The following SKP1 variants were observed in gnomAD, a reference collection of about 807,000 sequenced individuals.
SKP1 encodes S-phase kinase-associated protein 1.
SKP1 carries 1 observed loss-of-function variant against 21.5 expected under a neutral mutation model. That is an observed-to-expected ratio of 0.05 (90% CI 0.02 to 0.22). The LOEUF (loss-of-function observed/expected upper bound fraction) is 0.22, where lower values mean the gene tolerates loss of function less well. SKP1 is among the 10% of genes least tolerant of loss of function. SKP1 has a pLI of 1.00. For synonymous variants in SKP1, 59 were observed against 59.3 expected, an observed-to-expected ratio of 0.99 and a Z score of 0.03; for missense variants, 70 against 192.0, an observed-to-expected ratio of 0.36 and a Z score of 3.76.
At chr5:134,176,653 C>G (rs1761554142) in intron 1 of SKP1, 1 of 152,478 alleles carries the variant, frequency 6.6e-6, no homozygotes, top group Non-Finnish European at 1.5e-5. Flanking sequence ...GAGGAGGCCT[C>G]GCTGAGTCGG....
At chr5:134,171,705 T>C (rs1308141635) in intron 2 of SKP1, among the ~76,000 whole-genome samples, 9 of 152,196 alleles carry the variant, frequency 5.9e-5, no homozygotes, top group Non-Finnish European at 2.9e-5. Context: ...CCTGTCTACT[T>C]TACTTCAGAA....
intron 4 of SKP1, among the ~76,000 whole-genome samples, 155 bp downstream of exon 4, chr5:134,160,832 C>T (rs943148861): frequency 6.6e-6 from 1 of 152,166 alleles, no homozygotes; most frequent in Admixed American, 6.5e-5. Flanking sequence ...AGACCATTTA[C>T]ATTTAGTGTG....
rs936654193 is a variant in SKP1, at chr5:134,157,356, A to G, written c.*377T>C. ...GATAATATTTTGTTAATTCTATTCCAGAAAACTTTTTTGCAAGTTGTTTTA... is the reference window on the plus strand; with the variant it reads ...GATAATATTTTGTTAATTCTATTCCGGAAAACTTTTTTGCAAGTTGTTTTA... On this transcript the variant is annotated 3_prime_UTR_variant, in exon 6 of 6. Transcript: ENST00000353411. 1 of 191,116 alleles carries G rather than the reference A, an allele frequency of 5.2e-6. No homozygotes were observed. Among genetic ancestry groups the G allele is most frequent in the African/African-American group, 2.4e-5 (1 of 41,974 alleles). The allele number at this position is 191,116 out of a possible 1,614,324, so 11.8% of individuals were successfully genotyped here.
At chr5:134,158,378 C>T (rs756944123) in intron 5 of SKP1, 77 bp downstream of exon 5, 1 of 1,611,472 alleles carries the variant, frequency 6.2e-7, no homozygotes, top group Non-Finnish European at 8.5e-7. Flanking sequence ...ATACAGTCAC[C>T]TCTTTTGCTG....
chr5:134,171,295 C>T (rs565790625), intron 2 of SKP1, among the ~76,000 whole-genome samples: 3 of 152,290 alleles, frequency 2.0e-5, no homozygotes, highest in African/African-American at 7.2e-5. Context: ...AAGGACCAGT[C>T]TACAGTATAT....
At chr5:134,161,467 A>T (rs1761217330) in intron 3 of SKP1, 1 of 173,920 alleles carries the variant, frequency 5.7e-6, no homozygotes, top group Non-Finnish European at 1.2e-5. Context: ...TCTTTCAAAA[A>T]TCATTAAAGA....
At chr5:134,168,282 A>G (rs1761370980) in intron 2 of SKP1, among the ~76,000 whole-genome samples, 1 of 152,226 alleles carries the variant, frequency 6.6e-6, no homozygotes, top group Non-Finnish European at 1.5e-5. Flanking sequence ...AAAATAATGA[A>G]AACTATTACA....
chr5:134,149,403 T>C lies in SKP1; in HGVS notation c.*8330A>G, dbSNP rs1319784600. 1 of 152,218 alleles carries C rather than the reference T, an allele frequency of 6.6e-6. No individual in the cohort carries two copies. The highest frequency in any genetic ancestry group is 1.5e-5 in the Non-Finnish European group (1 of 68,040). The allele number at this position is 152,218 out of a possible 1,614,324, so 9.4% of individuals were successfully genotyped here. A position where few individuals can be genotyped will look rare whatever the true frequency, so the allele number is the denominator to read the frequency against. ...ATGTAAAAGGTGTCATGAAGGCACCTCAATAGGTCAGTCAACAAGTAGATG... is the reference window on the plus strand; with the variant it reads ...ATGTAAAAGGTGTCATGAAGGCACCCCAATAGGTCAGTCAACAAGTAGATG... On this transcript the variant is annotated 3_prime_UTR_variant, in exon 6 of 6. Transcript: ENST00000353411.
In SKP1 at chr5:134,165,562, C is replaced by T. The variant is rs1424361200; in HGVS notation, c.171+1608G>A. 1.2e-4 allele frequency among the ~76,000 whole-genome samples: 17 copies of T among 144,450 alleles called. No individual in the cohort carries two copies. The South Asian group carries it at 1.8e-3, about 15-fold the overall frequency. The allele number at this position is 144,450 out of a possible 152,430, so 94.8% of individuals were successfully genotyped here. A position where few individuals can be genotyped will look rare whatever the true frequency, so the allele number is the denominator to read the frequency against. ...CTGAGATCGTGCCACTGCACTCCAGCCTGGGCGACAGAGTGTCTGTCTCAA... is the reference window on the plus strand; with the variant it reads ...CTGAGATCGTGCCACTGCACTCCAGTCTGGGCGACAGAGTGTCTGTCTCAA... On this transcript the variant is annotated intron_variant, in intron 3 of 5. Transcript: ENST00000353411.
At chr5:134,172,829 G>A (rs915546380) in intron 2 of SKP1, among the ~76,000 whole-genome samples, 11 of 151,942 alleles carry the variant, frequency 7.2e-5, no homozygotes, top group African/African-American at 2.7e-4. Flanking sequence ...TGACAAACAT[G>A]GTAAAACTCC....
chr5:134,151,464 T>A lies in SKP1; in HGVS notation c.*6269A>T. On this transcript the variant is annotated 3_prime_UTR_variant, in exon 6 of 6. Transcript: ENST00000353411. ...AGCAACTGAAGAAGGCAGTTAGAGG[T>A]TGTGAAATGGTACATTCAGGAAAGA... 1 of 299,418 alleles carries A rather than the reference T, an allele frequency of 3.3e-6. No individual in the cohort carries two copies. The highest frequency in any genetic ancestry group is 6.8e-6 in the Non-Finnish European group (1 of 146,894). 18.5% of individuals were successfully genotyped at this position (299,418 alleles called of 1,614,324 possible). A position where few individuals can be genotyped will look rare whatever the true frequency, so the allele number is the denominator to read the frequency against.
At position 134,151,744 on chromosome 5, in the gene SKP1, G is replaced by C. The variant is rs759769046; in HGVS notation, c.*5989C>G. 12 of 455,288 alleles carry C rather than the reference G, an allele frequency of 2.6e-5. No individual in the cohort carries two copies. The highest frequency in any genetic ancestry group is 5.3e-5 in the Non-Finnish European group (12 of 226,360). 28.2% of individuals were successfully genotyped at this position (455,288 alleles called of 1,614,324 possible). A position where few individuals can be genotyped will look rare whatever the true frequency, so the allele number is the denominator to read the frequency against. ...TATGAGCAACTACATTCCTCCCATA[G>C]AATGCTGCTCAATACTGGCACACAG... is the stretch of plus-strand genomic sequence containing the variant. On this transcript the variant is annotated 3_prime_UTR_variant, in exon 6 of 6. Coordinates refer to ENST00000353411, the MANE Select transcript of SKP1 (RefSeq NM_170679.3).
Position 134,154,948 on chromosome 5 carries a change from T to C in SKP1, c.*2785A>G, listed in dbSNP as rs1761100103. On this transcript the variant is annotated 3_prime_UTR_variant, in exon 6 of 6. Transcript: ENST00000353411. ...AAAACTACTCTTCTTGTTTTCATTA[T>C]GCCCTGTACCTGCATTTCACAAGGA... 6.6e-6 allele frequency: 1 copy of C among 152,228 alleles called. No individual in the cohort carries two copies. The highest frequency in any genetic ancestry group is 1.5e-5 in the Non-Finnish European group (1 of 68,034). 9.4% of individuals were successfully genotyped at this position (152,228 alleles called of 1,614,324 possible). A position where few individuals can be genotyped will look rare whatever the true frequency, so the allele number is the denominator to read the frequency against.
intron 2 of SKP1, among the ~76,000 whole-genome samples, chr5:134,173,051 G>T (rs1761475904): frequency 6.6e-6 from 1 of 151,516 alleles, no homozygotes. Context: ...AATCAGCTGG[G>T]GCAGGGCGCG....
intron 4 of SKP1, among the ~76,000 whole-genome samples, chr5:134,159,789 C>T (rs902898248): frequency 3.3e-5 from 5 of 151,896 alleles, no homozygotes; most frequent in Admixed American, 6.6e-5. Context: ...CCTCGTGATC[C>T]GCCCACCTTG....
intron 2 of SKP1, chr5:134,173,661 A>G (rs1580623981): frequency 1.9e-6 from 1 of 528,794 alleles, no homozygotes; most frequent in East Asian, 4.5e-5. Context: ...GAAATTAACC[A>G]TTGCCTAAGG....
At chr5:134,160,316 C>T (rs1761196845) in intron 4 of SKP1, among the ~76,000 whole-genome samples, 1 of 151,926 alleles carries the variant, frequency 6.6e-6, no homozygotes. Flanking sequence ...AAAATCATGC[C>T]ACTGCACCAC....
intron 3 of SKP1, 57 bp from the exon 4 acceptor site, chr5:134,161,187 C>T: frequency 2.8e-6 from 4 of 1,436,426 alleles, no homozygotes; most frequent in South Asian, 1.4e-5. Flanking sequence ...ACTCATTCCA[C>T]TGCTGGGACA....
intron 3 of SKP1, among the ~76,000 whole-genome samples, chr5:134,162,915 A>G (rs1761245950): frequency 6.6e-6 from 1 of 151,960 alleles, no homozygotes; most frequent in African/African-American, 2.4e-5. Context: ...TCTACAAAAA[A>G]TGATGATAAT....
Sources: gnomAD v4.1 joint callset for allele counts (sites outside exome capture counted in the v4.1 genomes callset) on GRCh38, gnomAD v4.1.1 for gene constraint, MANE v1.5 for transcripts, NCBI Gene and HGNC (gene_info 2026-07-23, HGNC 2026-07-21) for gene names.